Variants in FGF14 observed in about 807,000 individuals in gnomAD.
The protein encoded by FGF14 is fibroblast growth factor 14, also known as fibroblast growth factor homologous factor 4.
A neutral mutation model predicts 25.5 loss-of-function variants in FGF14; 5 were observed. The observed-to-expected ratio is 0.20, with a 90% CI of 0.10 to 0.41. The LOEUF (loss-of-function observed/expected upper bound fraction) is 0.41, where lower values mean the gene tolerates loss of function less well. Ranked by LOEUF, FGF14 falls within the 10% of genes least tolerant of loss-of-function variation. FGF14 has a pLI of 1.00. For missense variants in FGF14, 222 were observed against 320.1 expected, an observed-to-expected ratio of 0.69 and a Z score of 2.34; for synonymous variants, 138 against 118.3, an observed-to-expected ratio of 1.17 and a Z score of -1.08.
At chr13:102,197,228 C>A (rs1345520793) in intron 1 of FGF14, among the ~76,000 whole-genome samples, 1 of 152,054 alleles carries the variant, frequency 6.6e-6, no homozygotes, top group Non-Finnish European at 1.5e-5. Flanking sequence ...CTCCTTTTGG[C>A]CCTTCTAAAG....
chr13:101,770,056 C>T (rs999888513), intron 3 of FGF14, among the ~76,000 whole-genome samples: 7 of 152,066 alleles, frequency 4.6e-5, no homozygotes, highest in Non-Finnish European at 1.0e-4. Context: ...CATGTGGGGG[C>T]AAGGGGCATA....
At chr13:102,361,567 GCT>G (rs1186170741) in intron 1 of FGF14, among the ~76,000 whole-genome samples, 2 of 152,158 alleles carry the variant, frequency 1.3e-5, no homozygotes, top group Non-Finnish European at 2.9e-5. Flanking sequence ...CAGAAATGCT[GCT>G]CTGTTTTCCC....
intron 1 of FGF14, among the ~76,000 whole-genome samples, chr13:102,378,292 T>C (rs1436782612): frequency 6.6e-6 from 1 of 152,104 alleles, no homozygotes. Flanking sequence ...GATGGATCTG[T>C]GGGGGCAAAG....
chr13:101,980,854 A>G (rs1049453236), intron 1 of FGF14, among the ~76,000 whole-genome samples: 12 of 152,148 alleles, frequency 7.9e-5, no homozygotes, highest in African/African-American at 2.9e-4. Flanking sequence ...CCAAATTCCT[A>G]TGTTGAAATC....
upstream of FGF14, among the ~76,000 whole-genome samples, chr13:101,918,090 C>T (rs1467498764): frequency 6.8e-6 from 1 of 147,202 alleles, no homozygotes; most frequent in Non-Finnish European, 1.5e-5. Context: ...ATACAACAGC[C>T]GGCGTCTCCT....
At chr13:102,005,306 T>G (rs978190377) in intron 1 of FGF14, among the ~76,000 whole-genome samples, 1 of 152,224 alleles carries the variant, frequency 6.6e-6, no homozygotes, top group Non-Finnish European at 1.5e-5. Flanking sequence ...GAAATGTCTA[T>G]TTTGCTCTTG....
At chr13:101,743,508 T>C (rs1370694924) in intron 3 of FGF14, among the ~76,000 whole-genome samples, 1 of 152,154 alleles carries the variant, frequency 6.6e-6, no homozygotes, top group African/African-American at 2.4e-5. Context: ...ATTGTCTAAT[T>C]TGTAACAAAA....
intron 3 of FGF14, among the ~76,000 whole-genome samples, chr13:101,807,570 C>T (rs2041270538): frequency 6.6e-6 from 1 of 152,042 alleles, no homozygotes; most frequent in Admixed American, 6.6e-5. Context: ...TCATTTTTCT[C>T]ACCTAACATT....
At chr13:102,149,925 C>A (rs956970181) in intron 1 of FGF14, among the ~76,000 whole-genome samples, 1 of 152,168 alleles carries the variant, frequency 6.6e-6, no homozygotes, top group East Asian at 1.9e-4. Context: ...TATGACAGCA[C>A]AGTTTTTATT....
chr13:102,221,232 G>A (rs1242549232), intron 1 of FGF14, among the ~76,000 whole-genome samples: 2 of 152,044 alleles, frequency 1.3e-5, no homozygotes, highest in African/African-American at 4.8e-5. Context: ...CTTATCAAAA[G>A]AGAACTAAAT....
At chr13:102,270,748 T>C (rs534266822) in intron 1 of FGF14, among the ~76,000 whole-genome samples, 1 of 152,208 alleles carries the variant, frequency 6.6e-6, no homozygotes, top group Non-Finnish European at 1.5e-5. Flanking sequence ...AAGCTGTTTG[T>C]CATTTATTTG....
At chr13:101,737,344 C>A (rs2036257146) in intron 3 of FGF14, among the ~76,000 whole-genome samples, 3 of 152,004 alleles carry the variant, frequency 2.0e-5, no homozygotes, top group Non-Finnish European at 2.9e-5. Flanking sequence ...ATATTTAGTT[C>A]TTTTATGTCC....
intron 1 of FGF14, among the ~76,000 whole-genome samples, chr13:101,963,950 G>C (rs2037026767): frequency 6.6e-6 from 1 of 152,122 alleles, no homozygotes; most frequent in Non-Finnish European, 1.5e-5. Context: ...CTTTGTGTGA[G>C]GAAAGACAAC....
intron 1 of FGF14, among the ~76,000 whole-genome samples, chr13:102,371,401 C>A (rs2057879746): frequency 6.6e-6 from 1 of 152,060 alleles, no homozygotes; most frequent in South Asian, 2.1e-4. Flanking sequence ...TTATCTCTCT[C>A]TCTCCTCTGC....
intron 1 of FGF14, among the ~76,000 whole-genome samples, chr13:102,306,774 A>G (rs2055405427): frequency 6.6e-6 from 1 of 152,218 alleles, no homozygotes; most frequent in African/African-American, 2.4e-5. Flanking sequence ...AGTGCACAGT[A>G]TACTTAATTA....
rs1363288055 is a variant in FGF14 at position 102,396,480 on chromosome 13, AT to A, written c.208+4990del. 4.3e-4 allele frequency among the ~76,000 whole-genome samples: 66 copies of A among 152,222 alleles called. 1 individual carries two copies. The highest frequency in any genetic ancestry group is 4.3e-3 in the Admixed American group (66 of 15,284). ...CCAAAATGTGCAAAGGAGTGAAAAC[AT>A]TGGTTGTTGTCCTTGTTACCATATG... is the stretch of plus-strand genomic sequence containing the variant. On this transcript the variant is annotated intron_variant, in intron 1 of 4. Coordinates refer to the FGF14 transcript ENST00000376131.
chr13:102,073,949 C>T (rs529970031), intron 1 of FGF14, among the ~76,000 whole-genome samples: 5 of 152,256 alleles, frequency 3.3e-5, no homozygotes, highest in South Asian at 4.1e-4. Flanking sequence ...TATTCTCATT[C>T]GCTCCCTCTC....
At chr13:102,080,972 C>T (rs2043591249) in intron 1 of FGF14, among the ~76,000 whole-genome samples, 1 of 152,220 alleles carries the variant, frequency 6.6e-6, no homozygotes, top group Admixed American at 6.5e-5. Flanking sequence ...GGCAATGACC[C>T]ATTCCTTTGC....
chr13:102,169,118 G>A (rs1594257427), intron 1 of FGF14, among the ~76,000 whole-genome samples: 1 of 150,578 alleles, frequency 6.6e-6, no homozygotes, highest in Admixed American at 6.7e-5. Context: ...TGTAAGATTC[G>A]TAAGCTTTAG....
Sources: allele counts gnomAD v4.1 joint callset (sites outside exome capture counted in the v4.1 genomes callset), GRCh38; gene constraint gnomAD v4.1.1; transcripts MANE v1.5; gene names NCBI Gene and HGNC (gene_info 2026-07-23, HGNC 2026-07-21).